TUT7: variants seen among roughly 807,000 people sequenced by gnomAD.
TUT7 encodes the protein terminal uridylyl transferase 7, also known as terminal uridylyltransferase 7.
A neutral mutation model predicts 165.9 loss-of-function variants in TUT7; 33 were observed. That is an observed-to-expected ratio of 0.20 (90% CI 0.15 to 0.27). The LOEUF is 0.27. Ranked by LOEUF, TUT7 falls within the 10% of genes least tolerant of loss-of-function variation. The pLI, the probability that TUT7 is intolerant of heterozygous loss-of-function variation, is 1.00. For synonymous variants in TUT7, 552 were observed against 608.1 expected (o/e 0.91, Z 1.36); for missense variants, 1,338 against 1,762.3 (o/e 0.76, Z 4.31).
At chr9:86,306,471 G>A (rs1827493770) in intron 22 of TUT7, among the ~76,000 whole-genome samples, 1 of 152,174 alleles carries the variant, frequency 6.6e-6, no homozygotes, top group Non-Finnish European at 1.5e-5. Flanking sequence ...TATTTGCTTG[G>A]TGTAGTGGAG....
intron 2 of TUT7, among the ~76,000 whole-genome samples, chr9:86,348,572 G>A (rs1405382414): frequency 6.6e-6 from 1 of 152,082 alleles, no homozygotes; most frequent in Non-Finnish European, 1.5e-5. Context: ...GGACAACATA[G>A]TGAGATGTCA....
intron 2 of TUT7, among the ~76,000 whole-genome samples, chr9:86,351,803 A>C (rs1044263457): frequency 1.3e-5 from 2 of 152,156 alleles, no homozygotes; most frequent in African/African-American, 4.8e-5. Context: ...ACCACTAAAA[A>C]ACGCTTTCAG....
chr9:86,309,433 GATA>G lies in TUT7; in HGVS notation c.3582+27_3582+29del, dbSNP rs781311569. The G allele has an allele frequency of 4.5e-6, 7 of 1,569,492 alleles. No individual in the cohort carries two copies. In the East Asian group the frequency reaches 1.6e-4, roughly 35 times the overall value. On this transcript the variant is annotated intron_variant, in intron 20 of 26. Coordinates refer to ENST00000375963, the MANE Select transcript of TUT7 (RefSeq NM_024617.4). ...AGGCTCAGAGATCACCAGTTTTCCA[GATA>G]AGAAATACAATTTCATTCACTAATA...
chr9:86,319,806 A>T, intron 14 of TUT7, 136 bp from the exon 15 acceptor site: 1 of 649,962 alleles, frequency 1.5e-6, no homozygotes, highest in Non-Finnish European at 2.6e-6. Context: ...GTGTCTTCTC[A>T]GTAGATAGCA....
intron 2 of TUT7, 64 bp downstream of exon 2, chr9:86,352,616 G>C: frequency 6.3e-7 from 1 of 1,575,308 alleles, no homozygotes; most frequent in Non-Finnish European, 8.7e-7. Flanking sequence ...AAACTCATTT[G>C]GATGAAAAAG....
chr9:86,309,446 A>G lies in TUT7; in HGVS notation c.3582+17T>C. The G allele has an allele frequency of 2.5e-6, 4 of 1,585,350 alleles. No homozygotes were observed. Among genetic ancestry groups the G allele is most frequent in the Non-Finnish European group, 3.4e-6 (4 of 1,163,612 alleles). On this transcript the variant is annotated intron_variant, in intron 20 of 26. Transcript: ENST00000375963. Reference sequence around the variant, plus strand: ...ACCAGTTTTCCAGATAAGAAATACAATTTCATTCACTAATACCTCTTGAAG... The same window carrying G: ...ACCAGTTTTCCAGATAAGAAATACAGTTTCATTCACTAATACCTCTTGAAG...
At position 86,343,092 on chromosome 9, in the gene TUT7, T is replaced by C; in HGVS notation, c.1069A>G (p.Ile357Val). The C allele has an allele frequency of 1.9e-6, 3 of 1,603,880 alleles. No homozygotes were observed. Among genetic ancestry groups the C allele is most frequent in the East Asian group, 2.3e-5 (1 of 44,232 alleles). Residue 357 changes from isoleucine to valine, a missense_variant, in exon 6 of 27, where the codon ATC (isoleucine) becomes GTC (valine). By Grantham distance (29) the Ile-to-Val change is conservative. Coordinates refer to ENST00000375963, the MANE Select transcript of TUT7 (RefSeq NM_024617.4). ...GFKNSDVNID[I>V]QFPAIMSQPD... The stretch of plus-strand genomic sequence containing the variant: ...GTACTTACAATGGCTGGAAACTGGA[T>C]GTCAATGTTTACATCCGAATTTTTG...
At chr9:86,326,872 C>T (rs1340449543) in intron 11 of TUT7, among the ~76,000 whole-genome samples, 1 of 152,164 alleles carries the variant, frequency 6.6e-6, no homozygotes, top group Non-Finnish European at 1.5e-5. Context: ...TTCCAAATAA[C>T]ATAAAAATGT....
Position 86,323,595 on chromosome 9 carries a change from C to T in TUT7, c.2155G>A (p.Val719Ile), listed in dbSNP as rs1332275311. 1.2e-6 allele frequency: 2 copies of T among 1,614,200 alleles called. No homozygotes were observed. Among genetic ancestry groups the T allele is most frequent in the East Asian group, 2.2e-5 (1 of 44,882 alleles). Residue 719 changes from valine to isoleucine, a missense_variant, in exon 13 of 27, where the codon GTC becomes ATC. Physicochemically the swap from Val to Ile is conservative, Grantham distance 29 (BLOSUM62 3). This residue lies in a region of TUT7 where 425 missense variants were observed against 474.9 expected (regional missense o/e 0.89). Transcript: ENST00000375963. The part of the protein sequence containing the change: ...KEEMGNEHIS[V>I]HPENSDCIQA... ...ATACAGTCTGAGTTTTCAGGGTGGACACTGATGTGTTCATTTCCCATTTCT... is the reference window on the plus strand; with the variant it reads ...ATACAGTCTGAGTTTTCAGGGTGGATACTGATGTGTTCATTTCCCATTTCT...
chr9:86,319,618 T>C lies in TUT7; in HGVS notation c.3081A>G (p.Gln1027=). 6.2e-7 allele frequency: 1 copy of C among 1,609,112 alleles called. No individual in the cohort carries two copies. Among genetic ancestry groups the C allele is most frequent in the Non-Finnish European group, 8.5e-7 (1 of 1,178,580 alleles). The change falls in exon 15 of 27, where the codon CAA becomes CAG. Residue 1027 remains glutamine, a synonymous_variant. Transcript: ENST00000375963. ...CCTGTCTTATGAAACTTTCTAGGTT[T>C]TGCCGAATATGTTCACGAGCCTGAT... ...IEDQAREHIR[Q]NLESFIRQDF...
At position 86,288,696 on chromosome 9, in the gene TUT7, C is replaced by T; in HGVS notation, c.4469G>A (p.Arg1490Lys). Residue 1490 changes from arginine to lysine, a missense_variant, in exon 27 of 27, where the codon AGG (arginine) becomes AAG (lysine). Around this residue, in one of 7 missense-constraint regions of TUT7, gnomAD observed 167 missense variants for 204.9 expected, o/e 0.82. Transcript: ENST00000375963. ...YMTQGKASAK[R>K]TQQES ...CTTCCCTCATGATTCCTGCTGGGTC[C>T]TCTTCGCTGAGGCTTTTCCCTGAGT... 7 of 1,613,860 alleles carry T rather than the reference C, an allele frequency of 4.3e-6. No individual in the cohort carries two copies. Among genetic ancestry groups the T allele is most frequent in the African/African-American group, 1.3e-5 (1 of 75,002 alleles).
In TUT7 at chr9:86,325,303, G is replaced by A. The variant is rs202088838; in HGVS notation, c.1789+31C>T. ...GACTGGTACCTTTAAAAAAAAGAGT[G>A]GGGGGGAATAAGATAAACATTTTGA... On this transcript the variant is annotated intron_variant, in intron 12 of 26. Coordinates refer to ENST00000375963, the MANE Select transcript of TUT7 (RefSeq NM_024617.4). The A allele has an allele frequency of 2.0e-3, 3,197 of 1,592,722 alleles. 6 individuals carry two copies. Among genetic ancestry groups the A allele is most frequent in the Admixed American group, 3.3e-3 (192 of 58,862 alleles).
At chr9:86,322,819 C>T (rs1829438014) in intron 13 of TUT7, 54 bp downstream of exon 13, 1 of 1,505,294 alleles carries the variant, frequency 6.6e-7, no homozygotes. Context: ...AAATTAAATG[C>T]ATTCAAAGTC....
intron 23 of TUT7, 73 bp from the exon 24 acceptor site, chr9:86,305,020 C>T: frequency 7.8e-7 from 1 of 1,280,048 alleles, no homozygotes. Flanking sequence ...GACAAACTAC[C>T]TGGGCCTGGT....
intron 10 of TUT7, chr9:86,337,142 C>T: frequency 4.3e-6 from 1 of 235,190 alleles, no homozygotes; most frequent in South Asian, 8.0e-5. Context: ...TTTACAGGGT[C>T]AGTCTCTTGT....
intron 26 of TUT7, among the ~76,000 whole-genome samples, chr9:86,292,395 G>C (rs1180675828): frequency 1.3e-5 from 2 of 151,814 alleles, no homozygotes; most frequent in Non-Finnish European, 2.9e-5. Flanking sequence ...CTGGAACCTA[G>C]GAGGTGAAGG....
At chr9:86,329,379 C>T (rs1362208403) in intron 10 of TUT7, among the ~76,000 whole-genome samples, 7 of 151,894 alleles carry the variant, frequency 4.6e-5, no homozygotes, top group Non-Finnish European at 8.8e-5. Flanking sequence ...CAAAATTAGC[C>T]AGGCATGGTG....
At chr9:86,321,214 G>A (rs1359616882) in intron 14 of TUT7, among the ~76,000 whole-genome samples, 2 of 151,648 alleles carry the variant, frequency 1.3e-5, no homozygotes, top group African/African-American at 4.8e-5. Context: ...AAAATTAGCT[G>A]GACATGGTGG....
intron 5 of TUT7, among the ~76,000 whole-genome samples, chr9:86,343,537 A>G (rs1007818089): frequency 6.6e-5 from 10 of 152,204 alleles, no homozygotes; most frequent in Non-Finnish European, 1.3e-4. Flanking sequence ...GTCTTTGTTT[A>G]AATTTATAAA....
Sources: allele counts gnomAD v4.1 joint callset (sites outside exome capture counted in the v4.1 genomes callset), GRCh38; gene constraint gnomAD v4.1.1; regional missense constraint gnomAD v4.1.1; transcripts MANE v1.5; gene names NCBI Gene and HGNC (gene_info 2026-07-23, HGNC 2026-07-21).